IGSF21: variants seen among roughly 807,000 people sequenced by gnomAD.
IGSF21 encodes immunoglobin superfamily member 21.
Under a neutral mutation model 46.8 loss-of-function variants are expected in IGSF21, and 28 were observed. The observed-to-expected ratio is 0.60, with a 90% CI of 0.44 to 0.82. The LOEUF (loss-of-function observed/expected upper bound fraction) is 0.82. IGSF21 is among the 40% of genes least tolerant of loss of function. IGSF21 has a pLI of 0.00. For synonymous variants in IGSF21, 284 were observed against 273.6 expected (o/e 1.04, Z -0.38); for missense variants, 624 against 665.5 (o/e 0.94, Z 0.69).
intron 1 of IGSF21, among the ~76,000 whole-genome samples, chr1:18,173,020 G>C (rs1359877692): frequency 1.3e-5 from 2 of 152,216 alleles, no homozygotes; most frequent in Admixed American, 6.5e-5. Context: ...CAGGTGCGGT[G>C]GCTCACGCCT....
In IGSF21 at chr1:18,223,259, C is replaced by T. The variant is rs2084528867; in HGVS notation, c.71-4639C>T. On this transcript the variant is annotated intron_variant, in intron 1 of 9. Transcript: ENST00000251296. ...ATTCTGGGTCAGTCCTTTCCCCACTCACCTGGCCCAGCTCCTGCACTGGCT... is the reference window on the plus strand; with the variant it reads ...ATTCTGGGTCAGTCCTTTCCCCACTTACCTGGCCCAGCTCCTGCACTGGCT... 3.9e-5 allele frequency among the ~76,000 whole-genome samples: 6 copies of T among 152,242 alleles called. No individual in the cohort carries two copies. In the South Asian group the frequency reaches 1.2e-3, roughly 32 times the overall value.
intron 1 of IGSF21, among the ~76,000 whole-genome samples, chr1:18,124,632 G>T (rs968398361): frequency 1.3e-5 from 2 of 152,158 alleles, no homozygotes; most frequent in African/African-American, 4.8e-5. Flanking sequence ...CCGTGGCTGG[G>T]CTGCTGTGGA....
In IGSF21 at chr1:18,365,581, A is replaced by T; in HGVS notation, c.899A>T (p.Glu300Val). 6.2e-7 allele frequency: 1 copy of T among 1,614,126 alleles called. No homozygotes were observed. The highest frequency in any genetic ancestry group is 8.5e-7 in the Non-Finnish European group (1 of 1,180,026). Residue 300 changes from glutamate to valine, a missense_variant, in exon 6 of 10, where the codon GAA (glutamate) becomes GTA (valine). By Grantham distance (121) the Glu-to-Val change is moderately radical. Transcript: ENST00000251296. This position sits in a 1 kb window ranked among gnomAD's most constrained non-coding sequence, Gnocchi z 4.8. ...SRTPSSDGTV[E>V]VRALLTWTLN... is the part of the protein sequence containing the mutation. The stretch of plus-strand genomic sequence containing the variant: ...ACCCCGAGCAGTGACGGCACTGTGG[A>T]AGTACGTGCCCTGCTCACCTGGACC...
chr1:18,145,430 C>A (rs937348789), intron 1 of IGSF21, among the ~76,000 whole-genome samples: 1 of 152,092 alleles, frequency 6.6e-6, no homozygotes, highest in Non-Finnish European at 1.5e-5. Context: ...GCTGTAAAAT[C>A]CACCTCACTC....
intron 5 of IGSF21, among the ~76,000 whole-genome samples, chr1:18,364,082 C>A (rs1390770275): frequency 1.3e-5 from 2 of 152,050 alleles, no homozygotes; most frequent in Non-Finnish European, 2.9e-5. Context: ...TGTAGGAAGA[C>A]CCCTCCTACC....
chr1:18,124,166 A>T (rs141830498), intron 1 of IGSF21, among the ~76,000 whole-genome samples: 2,817 of 152,290 alleles, frequency 0.018, 37 homozygotes, highest in Middle Eastern at 0.034. Flanking sequence ...ATCCAGAGAA[A>T]CATTGAAGCC....
At chr1:18,243,450 G>A (rs1313310099) in intron 2 of IGSF21, among the ~76,000 whole-genome samples, 3 of 152,012 alleles carry the variant, frequency 2.0e-5, no homozygotes, top group Non-Finnish European at 4.4e-5. Context: ...CCCCATTCCT[G>A]GGCCTCCAAG....
At chr1:18,228,259 A>T (rs1483753915) in intron 2 of IGSF21, among the ~76,000 whole-genome samples, 1 of 150,628 alleles carries the variant, frequency 6.6e-6, no homozygotes, top group Non-Finnish European at 1.5e-5. Flanking sequence ...CGCTTGGAAA[A>T]CTCCATTAGG....
intron 2 of IGSF21, among the ~76,000 whole-genome samples, chr1:18,285,967 A>C (rs1252153873): frequency 6.6e-6 from 1 of 152,168 alleles, no homozygotes; most frequent in African/African-American, 2.4e-5. Context: ...TACGCACTGA[A>C]TTCTCACACG....
At chr1:18,202,981 T>C (rs2087091901) in intron 1 of IGSF21, among the ~76,000 whole-genome samples, 1 of 152,082 alleles carries the variant, frequency 6.6e-6, no homozygotes, top group Non-Finnish European at 1.5e-5. Flanking sequence ...AGGGACACCA[T>C]TCGTGACACT....
intron 1 of IGSF21, among the ~76,000 whole-genome samples, chr1:18,150,766 G>A (rs554719046): frequency 6.6e-6 from 1 of 152,344 alleles, no homozygotes; most frequent in East Asian, 1.9e-4. Context: ...TACCCCATCA[G>A]GGACTCCAGC....
At chr1:18,377,728 G>T (rs2086298706) in intron 9 of IGSF21, among the ~76,000 whole-genome samples, 1 of 152,158 alleles carries the variant, frequency 6.6e-6, no homozygotes, top group Admixed American at 6.5e-5. Context: ...TGATCTCACT[G>T]CCCATGGCAT....
intron 1 of IGSF21, among the ~76,000 whole-genome samples, chr1:18,183,600 C>G (rs2086876641): frequency 6.6e-6 from 1 of 152,202 alleles, no homozygotes; most frequent in Admixed American, 6.5e-5. Context: ...TAACAGCCAG[C>G]CCAAAACTCA....
intron 1 of IGSF21, among the ~76,000 whole-genome samples, chr1:18,216,541 T>C (rs1252154524): frequency 6.6e-6 from 1 of 152,128 alleles, no homozygotes; most frequent in Non-Finnish European, 1.5e-5. Flanking sequence ...TATTGCAGAG[T>C]TCCACCAGGA....
rs141000822 is a variant in IGSF21 at position 18,372,773 on chromosome 1, G to A, written c.1016-3537G>A. ...GGATGGATGAATGGATGTTTGGATA[G>A]ATGTTTGGAGGGATGGATGAATAGA... On this transcript the variant is annotated intron_variant, in intron 6 of 9. Transcript: ENST00000251296. 3.1e-3 allele frequency among the ~76,000 whole-genome samples: 464 copies of A among 150,594 alleles called. 1 individual carries two copies. The highest frequency in any genetic ancestry group is 0.011 in the African/African-American group (436 of 41,032).
chr1:18,358,403 A>G (rs2086047643), intron 4 of IGSF21, among the ~76,000 whole-genome samples: 1 of 152,232 alleles, frequency 6.6e-6, no homozygotes, highest in Non-Finnish European at 1.5e-5. Context: ...TGTTATCAAT[A>G]TATCTTACGC....
chr1:18,142,952 G>A (rs1159817766), intron 1 of IGSF21, among the ~76,000 whole-genome samples: 1 of 152,206 alleles, frequency 6.6e-6, no homozygotes, highest in Non-Finnish European at 1.5e-5. Context: ...GGAACCAGAG[G>A]CTGTGGTCAC....
intron 1 of IGSF21, among the ~76,000 whole-genome samples, chr1:18,139,605 AG>A (rs1156729020): frequency 2.6e-5 from 4 of 152,344 alleles, no homozygotes; most frequent in African/African-American, 9.6e-5. Flanking sequence ...TTATGGTCAA[AG>A]GCTCTGGGAC....
At chr1:18,239,587 A>G (rs1435631741) in intron 2 of IGSF21, among the ~76,000 whole-genome samples, 1 of 152,114 alleles carries the variant, frequency 6.6e-6, no homozygotes, top group Non-Finnish European at 1.5e-5. Flanking sequence ...ACGTTCCCAA[A>G]TGGGCCCACC....
Sources: allele counts gnomAD v4.1 joint callset (sites outside exome capture counted in the v4.1 genomes callset), GRCh38; gene constraint gnomAD v4.1.1; non-coding constraint Gnocchi (gnomAD v3.1); transcripts MANE v1.5; gene names NCBI Gene and HGNC (gene_info 2026-07-23, HGNC 2026-07-21).